The following SDHB variants were observed in gnomAD, a reference collection of about 807,000 sequenced individuals.
SDHB encodes succinate dehydrogenase [ubiquinone] iron-sulfur subunit, mitochondrial.
A neutral mutation model predicts 39.7 loss-of-function variants in SDHB; 21 were observed. The observed-to-expected ratio is 0.53, with a 90% CI of 0.37 to 0.76. The LOEUF (loss-of-function observed/expected upper bound fraction) is 0.76. SDHB is among the 30% of genes least tolerant of loss of function. SDHB has a pLI of 0.00. For synonymous variants in SDHB, 118 were observed against 117.0 expected (o/e 1.01, Z -0.06); for missense variants, 343 against 350.9 (o/e 0.98, Z 0.18).
chr1:17,026,363 T>C (rs2077990932), intron 5 of SDHB, among the ~76,000 whole-genome samples: 1 of 146,646 alleles, frequency 6.8e-6, no homozygotes. Flanking sequence ...CTCCCCTTTT[T>C]CTCTTTTCTT....
chr1:17,034,694 G>A (rs1222204088), intron 2 of SDHB, among the ~76,000 whole-genome samples: 4 of 152,038 alleles, frequency 2.6e-5, no homozygotes, highest in Non-Finnish European at 5.9e-5. Context: ...ATCTGTATTT[G>A]TATCAGCACT....
chr1:17,031,949 T>C (rs958879163), intron 3 of SDHB, among the ~76,000 whole-genome samples: 1 of 152,068 alleles, frequency 6.6e-6, no homozygotes, highest in African/African-American at 2.4e-5. Context: ...CACCTTTAAA[T>C]TGAAGGTAGA....
At chr1:17,027,499 A>T (rs1407267800) in intron 5 of SDHB, among the ~76,000 whole-genome samples, 1 of 152,244 alleles carries the variant, frequency 6.6e-6, no homozygotes, top group Non-Finnish European at 1.5e-5. Flanking sequence ...AAGATGGAGT[A>T]GCCACACAGC....
chr1:17,035,347 T>G (rs2078045365), intron 2 of SDHB, among the ~76,000 whole-genome samples: 1 of 152,284 alleles, frequency 6.6e-6, no homozygotes, highest in East Asian at 1.9e-4. Context: ...ACTGTATCAG[T>G]TGTCCCAAAT....
At chr1:17,028,087 G>A (rs776485092) in intron 4 of SDHB, among the ~76,000 whole-genome samples, 9 of 152,128 alleles carry the variant, frequency 5.9e-5, no homozygotes, top group African/African-American at 1.2e-4. Context: ...TCACCTACTT[G>A]GGAAACCTGC....
intron 5 of SDHB, among the ~76,000 whole-genome samples, chr1:17,026,919 C>T (rs1027385648): frequency 6.6e-6 from 1 of 152,164 alleles, no homozygotes; most frequent in Admixed American, 6.5e-5. Context: ...GAATGCACCA[C>T]TGCATCTGGC....
chr1:17,053,287 C>T (rs1379802558), intron 1 of SDHB, among the ~76,000 whole-genome samples: 1 of 152,096 alleles, frequency 6.6e-6, no homozygotes, highest in Non-Finnish European at 1.5e-5. Flanking sequence ...CTATGAGGTC[C>T]GTATTATTAT....
chr1:17,037,435 C>T (rs144518381), intron 2 of SDHB, among the ~76,000 whole-genome samples: 6 of 145,394 alleles, frequency 4.1e-5, no homozygotes, highest in South Asian at 2.4e-4. Flanking sequence ...CCAAGTAGCT[C>T]GGACTACAGG....
chr1:17,036,199 T>C (rs1235588866), intron 2 of SDHB, among the ~76,000 whole-genome samples: 1 of 152,214 alleles, frequency 6.6e-6, no homozygotes, highest in African/African-American at 2.4e-5. Flanking sequence ...ACTGCCTCCT[T>C]AACAACATTA....
At chr1:17,053,706 C>G (rs114847365) in intron 1 of SDHB, among the ~76,000 whole-genome samples, 18 of 151,888 alleles carry the variant, frequency 1.2e-4, no homozygotes, top group South Asian at 1.0e-3. Context: ...AACGTCCCCC[C>G]CCCCCGCACC....
chr1:17,036,459 G>A (rs577252781), intron 2 of SDHB, among the ~76,000 whole-genome samples: 1 of 152,024 alleles, frequency 6.6e-6, no homozygotes, highest in South Asian at 2.1e-4. Context: ...ATAGGCACAG[G>A]AAGGTCATCA....
chr1:17,048,943 T>G (rs949631798), intron 1 of SDHB, among the ~76,000 whole-genome samples: 2 of 152,138 alleles, frequency 1.3e-5, no homozygotes, highest in Admixed American at 6.6e-5. Context: ...ACTCCTGACC[T>G]CAGGTGATCC....
intron 2 of SDHB, among the ~76,000 whole-genome samples, chr1:17,044,375 A>T (rs986717057): frequency 6.8e-5 from 10 of 147,958 alleles, no homozygotes; most frequent in Non-Finnish European, 1.2e-4. Flanking sequence ...CCCAGGCTGG[A>T]GTGCAATGGC....
chr1:17,018,990 T>C lies in SDHB; in HGVS notation c.766-32A>G, dbSNP rs1478562228. The C allele has an allele frequency of 2.0e-6, 3 of 1,521,118 alleles. No homozygotes were observed. In the African/African-American group the frequency reaches 4.1e-5, roughly 21 times the overall value. The allele number at this position is 1,521,118 out of a possible 1,614,324, so 94.2% of individuals were successfully genotyped here. On this transcript the variant is annotated intron_variant, in intron 7 of 7. Transcript: ENST00000375499. ...AAAAGAGAAAAGAATCAATAACAAA[T>C]GATAACTGAAACTGAAAGGGAAAAC...
chr1:17,051,701 G>A (rs907442301), intron 1 of SDHB, among the ~76,000 whole-genome samples: 3 of 151,798 alleles, frequency 2.0e-5, no homozygotes, highest in Admixed American at 6.6e-5. Flanking sequence ...CCCGGGGGAG[G>A]GGGGGTCAAG....
At chr1:17,022,921 G>T in intron 6 of SDHB, 191 bp from the exon 7 acceptor site, 1 of 674,298 alleles carries the variant, frequency 1.5e-6, no homozygotes, top group South Asian at 1.6e-5. Context: ...CTTGATTAAT[G>T]GTCCCTGCAA....
intron 2 of SDHB, among the ~76,000 whole-genome samples, chr1:17,033,843 T>C (rs1452370568): frequency 6.6e-6 from 1 of 152,188 alleles, no homozygotes; most frequent in Non-Finnish European, 1.5e-5. Context: ...CACGAGATCT[T>C]TACAGCAGCA....
chr1:17,045,196 T>C, intron 1 of SDHB: 1 of 364,850 alleles, frequency 2.7e-6, no homozygotes, highest in South Asian at 2.3e-5. Context: ...AGAGCGATAC[T>C]GTTGGGAAAG....
chr1:17,035,286 A>G (rs2647158), intron 2 of SDHB, among the ~76,000 whole-genome samples: 38,576 of 151,842 alleles, frequency 0.25, 6,624 homozygotes, highest in African/African-American at 0.49. Context: ...AATACTTTAC[A>G]TTTTTTTCTA....
Sources: gnomAD v4.1 joint callset for allele counts (sites outside exome capture counted in the v4.1 genomes callset) on GRCh38, gnomAD v4.1.1 for gene constraint, MANE v1.5 for transcripts, NCBI Gene and HGNC (gene_info 2026-07-23, HGNC 2026-07-21) for gene names.